The following MGAT5 variants were observed in gnomAD, a reference collection of about 807,000 sequenced individuals.
The protein encoded by MGAT5 is alpha-1,6-mannosylglycoprotein 6-beta-N-acetylglucosaminyltransferase.
MGAT5 carries 30 observed loss-of-function variants against 94.3 expected under a neutral mutation model. The observed-to-expected ratio is 0.32, with a 90% CI of 0.24 to 0.43. MGAT5 has a LOEUF of 0.43. Among genes scored for constraint, MGAT5 ranks in the 20% least tolerant of loss-of-function variants. The pLI is 1.00. For missense variants in MGAT5, 691 were observed against 905.5 expected (o/e 0.76, Z 3.04); for synonymous variants, 310 against 322.9 (o/e 0.96, Z 0.43).
intron 2 of MGAT5, among the ~76,000 whole-genome samples, chr2:134,301,405 A>G (rs1307502030): frequency 6.6e-6 from 1 of 152,058 alleles, no homozygotes; most frequent in Non-Finnish European, 1.5e-5. Context: ...TTCTTTTATT[A>G]TTCTTTTAAC....
At chr2:134,151,783 AC>A (rs1184386198) in intron 1 of MGAT5, among the ~76,000 whole-genome samples, 1 of 138,004 alleles carries the variant, frequency 7.2e-6, no homozygotes, top group Non-Finnish European at 1.5e-5. Flanking sequence ...CCACCTTGGG[AC>A]CTCACTCACT....
At chr2:134,240,872 T>G (rs1455991981) in intron 1 of MGAT5, among the ~76,000 whole-genome samples, 6 of 152,248 alleles carry the variant, frequency 3.9e-5, no homozygotes, top group Non-Finnish European at 4.4e-5. Flanking sequence ...AAATAGCTGC[T>G]GGAAAACCAT....
chr2:134,194,284 A>G (rs1679387661), intron 1 of MGAT5, among the ~76,000 whole-genome samples: 1 of 152,170 alleles, frequency 6.6e-6, no homozygotes, highest in African/African-American at 2.4e-5. Flanking sequence ...GCTATCTGCA[A>G]TGATGGCTTT....
rs186374652 is a variant in MGAT5 at position 134,374,897 on chromosome 2, G to T, written c.1380+12489G>T. Among the ~76,000 whole-genome samples the T allele has an allele frequency of 2.0e-5, 3 of 152,354 alleles. 1 individual carries two copies. The East Asian group carries it at 5.8e-4, about 29-fold the overall frequency. ...GGTCCCAGCTACTCGGGAAGCTGAG[G>T]TGGGAGGATCGCTTCAGTCTGGGAG... On this transcript the variant is annotated intron_variant, in intron 10 of 15. Coordinates refer to ENST00000281923, the MANE Select transcript of MGAT5 (RefSeq NM_002410.5).
intron 1 of MGAT5, among the ~76,000 whole-genome samples, chr2:134,237,984 T>C (rs991270632): frequency 6.6e-6 from 1 of 152,074 alleles, no homozygotes; most frequent in Non-Finnish European, 1.5e-5. Context: ...CTCCTGACCT[T>C]GTGATCCGCC....
chr2:134,356,241 A>T (rs1679731525), intron 9 of MGAT5, among the ~76,000 whole-genome samples: 1 of 152,178 alleles, frequency 6.6e-6, no homozygotes, highest in Non-Finnish European at 1.5e-5. Context: ...AACAAAGTGG[A>T]GAGAAGAGCA....
chr2:134,292,264 A>T (rs1293852376), intron 2 of MGAT5, among the ~76,000 whole-genome samples: 1 of 152,186 alleles, frequency 6.6e-6, no homozygotes, highest in Non-Finnish European at 1.5e-5. Context: ...TGGAATTGAG[A>T]GACAGGAAAA....
intron 8 of MGAT5, among the ~76,000 whole-genome samples, chr2:134,346,836 A>G (rs144574698): frequency 6.6e-6 from 1 of 152,322 alleles, no homozygotes; most frequent in African/African-American, 2.4e-5. Flanking sequence ...GTTGAAGGAC[A>G]TACAAGAAAG....
intron 1 of MGAT5, among the ~76,000 whole-genome samples, chr2:134,178,456 C>T (rs1012913536): frequency 6.6e-6 from 1 of 152,062 alleles, no homozygotes; most frequent in Non-Finnish European, 1.5e-5. Context: ...GAAGGTTATC[C>T]CACCCAGCAA....
chr2:134,180,826 G>A (rs1688701054), intron 1 of MGAT5, among the ~76,000 whole-genome samples: 1 of 152,102 alleles, frequency 6.6e-6, no homozygotes, highest in African/African-American at 2.4e-5. Context: ...CCATTTCCAT[G>A]TTTACAGAAA....
At chr2:134,448,145 A>G (rs2106447094) in intron 15 of MGAT5, among the ~76,000 whole-genome samples, 1 of 152,368 alleles carries the variant, frequency 6.6e-6, no homozygotes, top group African/African-American at 2.4e-5. Flanking sequence ...GGAAGCAGCC[A>G]TTGCTAAGGC....
In MGAT5 at chr2:134,341,700, A is replaced by G. The variant is rs766192455; in HGVS notation, c.918A>G (p.Thr306=). 26 of 1,613,578 alleles carry G rather than the reference A, an allele frequency of 1.6e-5. No individual in the cohort carries two copies. In the Admixed American group the frequency reaches 4.2e-4, roughly 26 times the overall value. Residue 306 remains threonine, a synonymous_variant, in exon 7 of 16, where the codon ACA becomes ACG. Coordinates refer to ENST00000281923, the MANE Select transcript of MGAT5 (RefSeq NM_002410.5). ...TAGTTCAATGGAGTGATTTAATTAC[A>G]TCTCTGTACTTACTGGGCCATGACA... The part of the protein sequence containing the change: ...GELVQWSDLI[T]SLYLLGHDIR...
chr2:134,277,835 G>C (rs1213836222), intron 2 of MGAT5, among the ~76,000 whole-genome samples: 2 of 152,178 alleles, frequency 1.3e-5, no homozygotes, highest in African/African-American at 4.8e-5. Context: ...AAATAATTTT[G>C]TATATAGTGT....
At position 134,273,638 on chromosome 2, in the gene MGAT5, G is replaced by C. The variant is rs551198714; in HGVS notation, c.406+3088G>C. On this transcript the variant is annotated intron_variant, in intron 2 of 15. Coordinates refer to ENST00000281923, the MANE Select transcript of MGAT5 (RefSeq NM_002410.5). ...GGGATAGCTCTGTGTGTGTGTGTGT[G>C]TGTGTGTCTGTGTGTCTCCTTATTT... Among the ~76,000 whole-genome samples, 4 of 152,156 alleles carry C rather than the reference G, an allele frequency of 2.6e-5. No individual in the cohort carries two copies. In the East Asian group the frequency reaches 7.7e-4, roughly 29 times the overall value.
intron 9 of MGAT5, among the ~76,000 whole-genome samples, chr2:134,353,905 T>C (rs1202571585): frequency 1.3e-5 from 2 of 152,010 alleles, no homozygotes; most frequent in Non-Finnish European, 2.9e-5. Context: ...AAAAAAAAAA[T>C]AGTTCCTACA....
chr2:134,390,393 G>A (rs1038931555), intron 10 of MGAT5, among the ~76,000 whole-genome samples: 2 of 152,178 alleles, frequency 1.3e-5, no homozygotes, highest in Non-Finnish European at 2.9e-5. Context: ...TAGGGTACAT[G>A]TGCACAACGT....
Position 134,273,369 on chromosome 2 carries a change from A to G in MGAT5, c.406+2819A>G, listed in dbSNP as rs374353505. Among the ~76,000 whole-genome samples, 403 of 152,238 alleles carry G rather than the reference A, an allele frequency of 2.6e-3. 3 individuals carry two copies. Among genetic ancestry groups the G allele is most frequent in the African/African-American group, 9.2e-3 (383 of 41,534 alleles). The stretch of plus-strand genomic sequence containing the variant: ...GAGAGTTCAGTTTTATGGGGTTCCA[A>G]TCCTCGCCAAGTAAAGTTTTTCTCT... On this transcript the variant is annotated intron_variant, in intron 2 of 15. Transcript: ENST00000281923.
At position 134,336,349 on chromosome 2, in the gene MGAT5, C is replaced by A. The variant is rs1339421510; in HGVS notation, c.645+61C>A. ...CATTTAGGTCAGATGCCAAGTGATA[C>A]ATGTGGAATCTTCTAGAAATGCCAA... On this transcript the variant is annotated intron_variant, in intron 5 of 15. Coordinates refer to ENST00000281923, the MANE Select transcript of MGAT5 (RefSeq NM_002410.5). 6 of 1,356,160 alleles carry A rather than the reference C, an allele frequency of 4.4e-6. No homozygotes were observed. The African/African-American group carries it at 7.3e-5, about 16-fold the overall frequency. The allele number at this position is 1,356,160 out of a possible 1,614,324, so 84.0% of individuals were successfully genotyped here. A position where few individuals can be genotyped will look rare whatever the true frequency, so the allele number is the denominator to read the frequency against.
Position 134,199,631 on chromosome 2 carries a change from C to T in MGAT5, c.-142-54631C>T, listed in dbSNP as rs142361790. Among the ~76,000 whole-genome samples, 793 of 152,260 alleles carry T rather than the reference C, an allele frequency of 5.2e-3. 9 individuals carry two copies. Among genetic ancestry groups the T allele is most frequent in the African/African-American group, 0.018 (766 of 41,522 alleles). Reference sequence around the variant, plus strand: ...TTCTATCGGCTGCTCCAACAGCTCTCTGTCAGTATTCCATGATTTTTTTCT... The same window carrying T: ...TTCTATCGGCTGCTCCAACAGCTCTTTGTCAGTATTCCATGATTTTTTTCT... On this transcript the variant is annotated intron_variant, in intron 1 of 16. Coordinates refer to the MGAT5 transcript ENST00000409645.
Sources: gnomAD v4.1 joint callset for allele counts (sites outside exome capture counted in the v4.1 genomes callset) on GRCh38, gnomAD v4.1.1 for gene constraint, MANE v1.5 for transcripts, NCBI Gene and HGNC (gene_info 2026-07-23, HGNC 2026-07-21) for gene names.